MTF1: variants seen among roughly 807,000 people sequenced by gnomAD.
The protein encoded by MTF1 is metal regulatory transcription factor 1.
Under a neutral mutation model 70.4 loss-of-function variants are expected in MTF1, and 22 were observed. The ratio of observed to expected loss-of-function variants is 0.31; its 90% CI spans 0.22 to 0.45. MTF1 has a LOEUF of 0.45. MTF1 is among the 20% of genes least tolerant of loss of function. The pLI, the probability that MTF1 is intolerant of heterozygous loss-of-function variation, is 1.00. For missense variants in MTF1, 649 were observed against 922.0 expected (o/e 0.70, Z 3.83); for synonymous variants, 333 against 352.8 (o/e 0.94, Z 0.63).
At chr1:37,820,327 ACCTGTATGG>A (rs1458261857) in intron 9 of MTF1, among the ~76,000 whole-genome samples, 2 of 152,198 alleles carry the variant, frequency 1.3e-5, no homozygotes, top group African/African-American at 4.8e-5. Flanking sequence ...GGCTGACCTG[ACCTGTATGG>A]CCACCCAACA....
At chr1:37,832,763 T>G (rs1313959144) in intron 6 of MTF1, among the ~76,000 whole-genome samples, 2 of 152,104 alleles carry the variant, frequency 1.3e-5, no homozygotes, top group South Asian at 2.1e-4. Context: ...TCCCAGCAAT[T>G]TGGGAGTCTG....
intron 2 of MTF1, 32 bp downstream of exon 2, chr1:37,857,219 C>G (rs1050372602): frequency 3.8e-6 from 6 of 1,585,810 alleles, no homozygotes; most frequent in Non-Finnish European, 4.3e-6. Context: ...GCCCCAAAAC[C>G]AAACTAGGCC....
chr1:37,851,160 C>T (rs1265308743), intron 2 of MTF1, among the ~76,000 whole-genome samples: 1 of 152,162 alleles, frequency 6.6e-6, no homozygotes, highest in Non-Finnish European at 1.5e-5. Flanking sequence ...GCAAGATTTT[C>T]GAAGACTAAA....
At position 37,814,026 on chromosome 1, in the gene MTF1, C is replaced by T. The variant is rs1557583424; in HGVS notation, c.*1110G>A. Reference sequence around the variant, plus strand: ...TTTTTTTTTTAAATAAATCACATGACTAAGCTGAGCAAGTCACATCCTTGT... The same window carrying T: ...TTTTTTTTTTAAATAAATCACATGATTAAGCTGAGCAAGTCACATCCTTGT... On this transcript the variant is annotated 3_prime_UTR_variant, in exon 11 of 11. Coordinates refer to ENST00000373036, the MANE Select transcript of MTF1 (RefSeq NM_005955.3). 1 of 146,670 alleles carries T rather than the reference C, an allele frequency of 6.8e-6. No homozygotes were observed. The highest frequency in any genetic ancestry group is 1.5e-5 in the Non-Finnish European group (1 of 67,086). The allele number at this position is 146,670 out of a possible 1,614,324, so 9.1% of individuals were successfully genotyped here.
chr1:37,828,270 G>A, intron 7 of MTF1: 2 of 373,910 alleles, frequency 5.3e-6, no homozygotes, highest in South Asian at 1.9e-5. Context: ...GTATGTGAGG[G>A]GGGGGCCTCT....
chr1:37,817,564 T>TG (rs1640839487), intron 9 of MTF1, 82 bp from the exon 10 acceptor site: 2 of 921,592 alleles, frequency 2.2e-6, no homozygotes, highest in Non-Finnish European at 3.6e-6. Flanking sequence ...CCAACTGTAA[T>TG]GGTCATCCAA....
intron 1 of MTF1, among the ~76,000 whole-genome samples, chr1:37,858,015 T>TAAAAAA (rs71053997): frequency 1.6e-5 from 2 of 123,990 alleles, no homozygotes. Flanking sequence ...CCATCTCTAA[T>TAAAAAA]AAAAAAAAAA....
rs1300113227 is a variant in MTF1, at chr1:37,810,520, G to A, written c.*4616C>T. The stretch of plus-strand genomic sequence containing the variant: ...CCCAGTGGTCGTCGGCTTCCCCAAA[G>A]GGCATCAGAAGAAATACAGGACTGT... On this transcript the variant is annotated 3_prime_UTR_variant, in exon 11 of 11. Transcript: ENST00000373036. The A allele has an allele frequency of 6.6e-6, 1 of 152,144 alleles. No individual in the cohort carries two copies. Among genetic ancestry groups the A allele is most frequent in the Non-Finnish European group, 1.5e-5 (1 of 68,036 alleles). The allele number at this position is 152,144 out of a possible 1,614,324, so 9.4% of individuals were successfully genotyped here. A position where few individuals can be genotyped will look rare whatever the true frequency, so the allele number is the denominator to read the frequency against.
At chr1:37,830,670 G>A (rs1232300713) in intron 7 of MTF1, among the ~76,000 whole-genome samples, 1 of 152,206 alleles carries the variant, frequency 6.6e-6, no homozygotes, top group Non-Finnish European at 1.5e-5. Context: ...CACTACAAAT[G>A]ATATATTTTA....
intron 2 of MTF1, among the ~76,000 whole-genome samples, chr1:37,843,264 G>C (rs996594196): frequency 2.0e-5 from 3 of 151,036 alleles, no homozygotes; most frequent in Non-Finnish European, 4.4e-5. Flanking sequence ...GCATCCCAAA[G>C]CAATAGGACT....
intron 7 of MTF1, among the ~76,000 whole-genome samples, chr1:37,831,788 A>G (rs1641091187): frequency 6.6e-6 from 1 of 152,208 alleles, no homozygotes. Flanking sequence ...TTGCACAGAA[A>G]AAAAATAAAT....
intron 10 of MTF1, 24 bp downstream of exon 10, chr1:37,817,395 T>TA: frequency 6.5e-7 from 1 of 1,530,904 alleles, no homozygotes; most frequent in Non-Finnish European, 9.1e-7. Context: ...TGCCTTCTCT[T>TA]AAGGCTAACA....
At chr1:37,854,808 C>T (rs1053260592) in intron 2 of MTF1, among the ~76,000 whole-genome samples, 22 of 152,158 alleles carry the variant, frequency 1.4e-4, no homozygotes, top group African/African-American at 5.1e-4. Flanking sequence ...GCCTGTAATC[C>T]CAGCACTTTG....
intron 2 of MTF1, among the ~76,000 whole-genome samples, chr1:37,849,384 C>A (rs978722308): frequency 6.6e-6 from 1 of 151,954 alleles, no homozygotes; most frequent in Non-Finnish European, 1.5e-5. Flanking sequence ...CAAGATCGTG[C>A]CACTGTACTC....
intron 7 of MTF1, among the ~76,000 whole-genome samples, chr1:37,830,068 G>C (rs1396547926): frequency 2.6e-5 from 4 of 152,046 alleles, no homozygotes; most frequent in Non-Finnish European, 5.9e-5. Flanking sequence ...TCATAGTCTT[G>C]GCCAGAGAAT....
intron 7 of MTF1, chr1:37,826,718 C>T (rs1641007733): frequency 7.7e-6 from 3 of 390,978 alleles, no homozygotes; most frequent in South Asian, 5.8e-5. Context: ...GTGGCTCACA[C>T]CTGTAATCCC....
At chr1:37,843,864 A>G (rs987156084) in intron 2 of MTF1, among the ~76,000 whole-genome samples, 3 of 78,356 alleles carry the variant, frequency 3.8e-5, no homozygotes, top group Admixed American at 1.3e-4. Flanking sequence ...CTCCCCTCCC[A>G]CCCCTCCCCC....
chr1:37,838,908 G>C, intron 3 of MTF1, 152 bp from the exon 4 acceptor site: 1 of 536,026 alleles, frequency 1.9e-6, no homozygotes, highest in African/African-American at 1.9e-5. Flanking sequence ...AGGTTCAAGC[G>C]ATTCTCCTGC....
chr1:37,840,190 C>T lies in MTF1; in HGVS notation c.409-32G>A, dbSNP rs1178190446. ...GAGAAAAGATACCTCATCAACAGGA[C>T]AAAAATGCTGCCCAGGGCTTAACTC... On this transcript the variant is annotated intron_variant, in intron 2 of 10. Coordinates refer to ENST00000373036, the MANE Select transcript of MTF1 (RefSeq NM_005955.3). This position sits in a 1 kb window ranked among gnomAD's most constrained non-coding sequence, Gnocchi z 4.5. The T allele has an allele frequency of 6.2e-7, 1 of 1,601,674 alleles. No individual in the cohort carries two copies.
Sources: gnomAD v4.1 joint callset for allele counts (sites outside exome capture counted in the v4.1 genomes callset) on GRCh38, gnomAD v4.1.1 for gene constraint, Gnocchi (gnomAD v3.1) non-coding constraint, MANE v1.5 for transcripts, NCBI Gene and HGNC (gene_info 2026-07-23, HGNC 2026-07-21) for gene names.